BTBD9: variants seen among roughly 807,000 people sequenced by gnomAD.
BTBD9 encodes the protein BTB domain containing 9.
A neutral mutation model predicts 64.3 loss-of-function variants in BTBD9; 49 were observed. That is an observed-to-expected ratio of 0.76 (90% CI 0.61 to 0.97). BTBD9 has a LOEUF of 0.97. BTBD9 is among the 50% of genes least tolerant of loss of function. The pLI, the probability that BTBD9 is intolerant of heterozygous loss-of-function variation, is 0.00. For missense variants in BTBD9, 598 were observed against 762.1 expected (o/e 0.78, Z 2.53); for synonymous variants, 260 against 274.7 (o/e 0.95, Z 0.53).
At position 38,379,565 on chromosome 6, in the gene BTBD9, A is replaced by G. The variant is rs1042519796; in HGVS notation, c.1155-34472T>C. ...GAGAGGCTCAGATTGACAGCTGTGC[A>G]TAAGGCTGAGAAAGCAAGAAGGTAA... On this transcript the variant is annotated intron_variant, in intron 6 of 10. Coordinates refer to ENST00000481247, the MANE Select transcript of BTBD9 (RefSeq NM_001099272.2). Among the ~76,000 whole-genome samples the G allele has an allele frequency of 5.9e-5, 9 of 152,368 alleles. No homozygotes were observed. The South Asian group carries it at 1.9e-3, about 32-fold the overall frequency.
intron 8 of BTBD9, among the ~76,000 whole-genome samples, chr6:38,287,704 A>G (rs1761798755): frequency 6.6e-6 from 1 of 152,146 alleles, no homozygotes; most frequent in Admixed American, 6.5e-5. Flanking sequence ...TGCATTTCTT[A>G]CAGTGTGTCT....
intron 6 of BTBD9, among the ~76,000 whole-genome samples, chr6:38,469,180 T>C (rs1316840474): frequency 6.6e-6 from 1 of 152,112 alleles, no homozygotes. Flanking sequence ...TACCTCACCA[T>C]ATTTCACTGA....
intron 6 of BTBD9, among the ~76,000 whole-genome samples, chr6:38,400,454 G>A (rs932614415): frequency 6.6e-5 from 10 of 152,030 alleles, no homozygotes; most frequent in African/African-American, 2.2e-4. Context: ...CAAACCCCAT[G>A]GCCTCTTTTC....
intron 6 of BTBD9, among the ~76,000 whole-genome samples, chr6:38,377,937 A>G (rs1006980714): frequency 1.8e-4 from 28 of 152,210 alleles, no homozygotes; most frequent in African/African-American, 6.3e-4. Context: ...ATTTTAAAAG[A>G]TACAGGTGCT....
intron 1 of BTBD9, among the ~76,000 whole-genome samples, chr6:38,616,161 C>G (rs571051568): frequency 6.6e-6 from 1 of 152,164 alleles, no homozygotes; most frequent in Non-Finnish European, 1.5e-5. Context: ...CTCTAGCTAA[C>G]AGCCAGCAAG....
At chr6:38,620,355 C>T (rs1274526493) in intron 1 of BTBD9, among the ~76,000 whole-genome samples, 1 of 152,180 alleles carries the variant, frequency 6.6e-6, no homozygotes, top group African/African-American at 2.4e-5. Flanking sequence ...TTCTGCATTC[C>T]CCTGCACTCT....
At chr6:38,247,952 G>A (rs1764267954) in intron 9 of BTBD9, among the ~76,000 whole-genome samples, 1 of 151,772 alleles carries the variant, frequency 6.6e-6, no homozygotes, top group Non-Finnish European at 1.5e-5. Flanking sequence ...TTTTTTTCAA[G>A]TAAAGTGTTT....
chr6:38,486,084 A>G (rs1771392707), intron 6 of BTBD9, among the ~76,000 whole-genome samples: 1 of 152,200 alleles, frequency 6.6e-6, no homozygotes. Context: ...GCTAGCTCCA[A>G]GATGAATCAA....
At chr6:38,487,667 GAAGAA>G (rs1336994153) in intron 6 of BTBD9, among the ~76,000 whole-genome samples, 2 of 149,436 alleles carry the variant, frequency 1.3e-5, no homozygotes, top group Middle Eastern at 3.4e-3. Flanking sequence ...GAGGAAAAGA[GAAGAA>G]AAGAGAAGAA....
intron 9 of BTBD9, among the ~76,000 whole-genome samples, chr6:38,251,532 TG>T (rs1477852414): frequency 6.6e-6 from 1 of 152,152 alleles, no homozygotes; most frequent in Non-Finnish European, 1.5e-5. Flanking sequence ...CCCAAAGTGC[TG>T]GGATTACAGG....
At chr6:38,289,665 A>C (rs763114368) in intron 7 of BTBD9, among the ~76,000 whole-genome samples, 2 of 152,146 alleles carry the variant, frequency 1.3e-5, no homozygotes, top group Non-Finnish European at 2.9e-5. Context: ...TTTGTCTACT[A>C]TTCTGTGCAT....
At chr6:38,293,650 T>C (rs1358190934) in intron 7 of BTBD9, among the ~76,000 whole-genome samples, 1 of 152,116 alleles carries the variant, frequency 6.6e-6, no homozygotes, top group Non-Finnish European at 1.5e-5. Flanking sequence ...TTCCTTACAC[T>C]TTATACAAAA....
At chr6:38,479,768 G>A (rs895137944) in intron 6 of BTBD9, among the ~76,000 whole-genome samples, 18 of 151,982 alleles carry the variant, frequency 1.2e-4, no homozygotes, top group Non-Finnish European at 2.2e-4. Flanking sequence ...TGGCTCTGTC[G>A]CCCAGGCTAG....
At chr6:38,454,329 T>C (rs1769691536) in intron 6 of BTBD9, among the ~76,000 whole-genome samples, 1 of 152,006 alleles carries the variant, frequency 6.6e-6, no homozygotes, top group South Asian at 2.1e-4. Context: ...AGTTTAAAGT[T>C]TACATATGGA....
At chr6:38,351,439 G>A (rs1288258973) in intron 6 of BTBD9, among the ~76,000 whole-genome samples, 2 of 150,026 alleles carry the variant, frequency 1.3e-5, no homozygotes, top group Non-Finnish European at 3.0e-5. Flanking sequence ...GAAGGGATGA[G>A]ATAGGTAGAA....
At position 38,374,142 on chromosome 6, in the gene BTBD9, G is replaced by A. The variant is rs991697428; in HGVS notation, c.1155-29049C>T. Among the ~76,000 whole-genome samples the A allele has an allele frequency of 1.7e-3, 262 of 150,288 alleles. 4 individuals carry two copies. The highest frequency in any genetic ancestry group is 6.2e-3 in the African/African-American group (252 of 40,892). Reference sequence around the variant, plus strand: ...AAATTAGCCAGGTGTGGTGGCACACGCTTGTAATCCCAGTTACTTGGGAGG... The same window carrying A: ...AAATTAGCCAGGTGTGGTGGCACACACTTGTAATCCCAGTTACTTGGGAGG... On this transcript the variant is annotated intron_variant, in intron 6 of 10. Transcript: ENST00000481247.
intron 9 of BTBD9, among the ~76,000 whole-genome samples, chr6:38,196,188 G>A (rs1287197271): frequency 6.6e-6 from 1 of 152,208 alleles, no homozygotes; most frequent in Non-Finnish European, 1.5e-5. Flanking sequence ...CTGGCTGCCA[G>A]TGTTTGAATC....
chr6:38,222,353 C>T lies in BTBD9; in HGVS notation c.1563-29756G>A, dbSNP rs866093460. Among the ~76,000 whole-genome samples the T allele has an allele frequency of 6.7e-5, 10 of 149,410 alleles. No individual in the cohort carries two copies. In the East Asian group the frequency reaches 1.2e-3, roughly 18 times the overall value. On this transcript the variant is annotated intron_variant, in intron 9 of 10. Transcript: ENST00000481247. ...TCGGCTTACTGCAAGCTCTGCCTCC[C>T]GGGTTCACGCCATTCTCCTGCCTCA...
chr6:38,351,643 AG>A (rs912286222), intron 6 of BTBD9, among the ~76,000 whole-genome samples: 1 of 150,874 alleles, frequency 6.6e-6, no homozygotes, highest in Non-Finnish European at 1.5e-5. Flanking sequence ...CTGGGACTAC[AG>A]GCACCCGCTA....
Sources: allele counts gnomAD v4.1 joint callset (sites outside exome capture counted in the v4.1 genomes callset), GRCh38; gene constraint gnomAD v4.1.1; transcripts MANE v1.5; gene names NCBI Gene and HGNC (gene_info 2026-07-23, HGNC 2026-07-21).